The following LINGO2 variants were observed in gnomAD, a reference collection of about 807,000 sequenced individuals.
LINGO2 encodes leucine-rich repeat and immunoglobulin-like domain-containing nogo receptor-interacting protein 2.
Under a neutral mutation model 30.6 loss-of-function variants are expected in LINGO2, and 14 were observed. The observed-to-expected ratio is 0.46, with a 90% CI of 0.30 to 0.72. The LOEUF (loss-of-function observed/expected upper bound fraction) is 0.72, where lower values mean the gene tolerates loss of function less well. Among genes scored for constraint, LINGO2 ranks in the 30% least tolerant of loss-of-function variants. The pLI is 0.07. For missense variants in LINGO2, 729 were observed against 751.7 expected, an observed-to-expected ratio of 0.97 and a Z score of 0.35; for synonymous variants, 317 against 288.5, an observed-to-expected ratio of 1.10 and a Z score of -1.00.
chr9:28,214,227 G>A lies in LINGO2; in HGVS notation c.-87+80981C>T, dbSNP rs367687473. ...ATTCTTTATACTTTCATGCAGAAAAGCAATGGAACAAAATTGCTGATGGAC... is the reference window on the plus strand; with the variant it reads ...ATTCTTTATACTTTCATGCAGAAAAACAATGGAACAAAATTGCTGATGGAC... On this transcript the variant is annotated intron_variant, in intron 4 of 5. Transcript: ENST00000379992. Among the ~76,000 whole-genome samples, 198 of 151,572 alleles carry A rather than the reference G, an allele frequency of 1.3e-3. 3 individuals carry two copies. In the South Asian group the frequency reaches 0.033, roughly 26 times the overall value.
intron 4 of LINGO2, among the ~76,000 whole-genome samples, chr9:28,149,896 C>T (rs113346815): frequency 0.077 from 11,297 of 145,918 alleles, 578 homozygotes; most frequent in Middle Eastern, 0.15. Flanking sequence ...AAGTAAGGAG[C>T]GCCTATGCCT....
chr9:28,719,672 A>C, the LINGO2 span, among the ~76,000 whole-genome samples: 16 of 151,930 alleles, frequency 1.1e-4, no homozygotes, highest in Middle Eastern at 0.01. Flanking sequence ...TCTTCTCATT[A>C]TACACTTCCT....
At chr9:28,179,159 T>A (rs1257965666) in intron 4 of LINGO2, among the ~76,000 whole-genome samples, 1 of 149,758 alleles carries the variant, frequency 6.7e-6, no homozygotes, top group African/African-American at 2.5e-5. Context: ...GGAAACTTGA[T>A]ACTTCAAAAT....
chr9:28,040,947 G>C (rs775991318), intron 4 of LINGO2, among the ~76,000 whole-genome samples: 1 of 152,118 alleles, frequency 6.6e-6, no homozygotes, highest in East Asian at 1.9e-4. Context: ...ATTCTACCCA[G>C]GAAGTTATCA....
chr9:28,736,370 G>A, the LINGO2 span, among the ~76,000 whole-genome samples: 45 of 152,162 alleles, frequency 3.0e-4, no homozygotes, highest in African/African-American at 1.1e-3. Context: ...TTAGGAGTCA[G>A]AACGGTGTGG....
intron 4 of LINGO2, among the ~76,000 whole-genome samples, chr9:28,156,382 C>G (rs2133576923): frequency 6.6e-6 from 1 of 152,314 alleles, no homozygotes; most frequent in African/African-American, 2.4e-5. Context: ...AAAGAACCTA[C>G]TATGCACCAG....
At chr9:28,531,196 T>C (rs1821225661) in intron 1 of LINGO2, among the ~76,000 whole-genome samples, 1 of 151,874 alleles carries the variant, frequency 6.6e-6, no homozygotes, top group African/African-American at 2.4e-5. Flanking sequence ...CTTCATAAAA[T>C]CCAAAATGAC....
chr9:28,919,788 G>A, the LINGO2 span, among the ~76,000 whole-genome samples: 1 of 151,992 alleles, frequency 6.6e-6, no homozygotes, highest in African/African-American at 2.4e-5. Flanking sequence ...AACAAAAAGG[G>A]AAAAAATCCA....
the LINGO2 span, among the ~76,000 whole-genome samples, chr9:28,832,381 T>G: frequency 6.6e-6 from 1 of 152,210 alleles, no homozygotes; most frequent in Non-Finnish European, 1.5e-5. Context: ...CTTATGTTTC[T>G]TATTAAAACT....
At chr9:29,100,424 T>G in the LINGO2 span, among the ~76,000 whole-genome samples, 1 of 151,880 alleles carries the variant, frequency 6.6e-6, no homozygotes. Flanking sequence ...TGAAACCACA[T>G]CTCTACTAAA....
At chr9:28,495,545 C>A (rs2135287249) in intron 1 of LINGO2, among the ~76,000 whole-genome samples, 1 of 152,138 alleles carries the variant, frequency 6.6e-6, no homozygotes, top group Non-Finnish European at 1.5e-5. Flanking sequence ...GGTATTATTT[C>A]TGAGGGCTCT....
chr9:28,427,803 G>C (rs1382480786), intron 2 of LINGO2, among the ~76,000 whole-genome samples: 1 of 152,064 alleles, frequency 6.6e-6, no homozygotes, highest in African/African-American at 2.4e-5. Flanking sequence ...TCCTTTGTTA[G>C]ATGAGGCCAT....
chr9:28,708,714 A>T, the LINGO2 span, among the ~76,000 whole-genome samples: 1 of 150,042 alleles, frequency 6.7e-6, no homozygotes, highest in South Asian at 2.1e-4. Context: ...TCCAGATCAG[A>T]TTTCAGAGTC....
At chr9:28,992,933 C>T in the LINGO2 span, among the ~76,000 whole-genome samples, 1 of 150,884 alleles carries the variant, frequency 6.6e-6, no homozygotes, top group Non-Finnish European at 1.5e-5. Context: ...AAATTGACAC[C>T]CTTACATCAC....
intron 3 of LINGO2, among the ~76,000 whole-genome samples, chr9:28,369,819 A>G (rs1820826829): frequency 6.6e-6 from 1 of 152,236 alleles, no homozygotes; most frequent in Admixed American, 6.5e-5. Flanking sequence ...CGTGAGTTAC[A>G]GATTTGATCA....
intron 1 of LINGO2, among the ~76,000 whole-genome samples, chr9:28,580,801 G>A (rs887852076): frequency 2.6e-5 from 4 of 151,776 alleles, no homozygotes; most frequent in African/African-American, 9.7e-5. Flanking sequence ...AAACAAATAG[G>A]GATTTTGAGG....
At chr9:29,082,915 T>C in the LINGO2 span, among the ~76,000 whole-genome samples, 2 of 152,052 alleles carry the variant, frequency 1.3e-5, no homozygotes, top group African/African-American at 2.4e-5. Context: ...ATGGCGATCA[T>C]TAAAAAGTCA....
intron 4 of LINGO2, among the ~76,000 whole-genome samples, chr9:28,070,725 T>C (rs1012241711): frequency 6.6e-6 from 1 of 152,146 alleles, no homozygotes; most frequent in African/African-American, 2.4e-5. Context: ...TTCTGTTTGT[T>C]TTTTGAGATG....
the LINGO2 span, among the ~76,000 whole-genome samples, chr9:28,799,137 A>C: frequency 6.6e-6 from 1 of 152,110 alleles, no homozygotes; most frequent in Non-Finnish European, 1.5e-5. Context: ...GGCTATCATA[A>C]AAATAGTCCA....
Sources: allele counts gnomAD v4.1 joint callset (sites outside exome capture counted in the v4.1 genomes callset), GRCh38; gene constraint gnomAD v4.1.1; transcripts MANE v1.5; gene names NCBI Gene and HGNC (gene_info 2026-07-23, HGNC 2026-07-21).